MCUB: variants seen among roughly 807,000 people sequenced by gnomAD.
MCUB encodes calcium uniporter regulatory subunit MCUb, mitochondrial.
In MCUB, 46 loss-of-function variants were observed where a neutral mutation model predicts 41.4. The observed-to-expected ratio is 1.11, with a 90% CI of 0.88 to 1.42. The LOEUF is 1.42. Ranked by LOEUF, MCUB falls within the 40% of genes most tolerant of loss-of-function variation. MCUB has a pLI of 0.00. For synonymous variants in MCUB, 148 were observed against 148.2 expected, an observed-to-expected ratio of 1.00 and a Z score of 0.01; for missense variants, 403 against 404.9, an observed-to-expected ratio of 1.00 and a Z score of 0.04.
chr4:109,632,846 C>T (rs186437917), intron 1 of MCUB, among the ~76,000 whole-genome samples: 94 of 152,188 alleles, frequency 6.2e-4, no homozygotes, highest in Admixed American at 1.6e-3. Flanking sequence ...AACTCCTGAC[C>T]TCCAGTGATC....
rs552790823 is a variant in MCUB, at chr4:109,580,356, G to A, written c.99+19920G>A. On this transcript the variant is annotated intron_variant, in intron 1 of 7. Coordinates refer to ENST00000394650, the MANE Select transcript of MCUB (RefSeq NM_017918.5). ...AATAAACATACGTGTGCATGTGTCT[G>A]TATAGTAGCATGATTTGTAATCCTT... Among the ~76,000 whole-genome samples, 137 of 152,080 alleles carry A rather than the reference G, an allele frequency of 9.0e-4. 2 individuals carry two copies. The South Asian group carries it at 0.028, about 31-fold the overall frequency.
chr4:109,659,254 C>T (rs1729173353), intron 2 of MCUB, among the ~76,000 whole-genome samples, 168 bp downstream of exon 2: 1 of 115,552 alleles, frequency 8.7e-6, no homozygotes, highest in Non-Finnish European at 1.7e-5. Flanking sequence ...AATATAGCTG[C>T]TGTCTTTTGT....
At chr4:109,618,442 T>C (rs898337536) in intron 1 of MCUB, among the ~76,000 whole-genome samples, 1 of 152,186 alleles carries the variant, frequency 6.6e-6, no homozygotes, top group Non-Finnish European at 1.5e-5. Context: ...ATGCCTCCCA[T>C]TCTCTTTCTC....
At chr4:109,665,373 A>G (rs954221021) in intron 4 of MCUB, among the ~76,000 whole-genome samples, 2 of 152,180 alleles carry the variant, frequency 1.3e-5, no homozygotes, top group Non-Finnish European at 2.9e-5. Flanking sequence ...ACTCTTGCTT[A>G]TATCAATTAG....
chr4:109,658,975 T>C, intron 1 of MCUB, 36 bp from the exon 2 acceptor site: 1 of 1,187,460 alleles, frequency 8.4e-7, no homozygotes, highest in Non-Finnish European at 1.2e-6. Flanking sequence ...TCCCACTCTT[T>C]TTTTAAAAAA....
intron 1 of MCUB, among the ~76,000 whole-genome samples, chr4:109,608,183 C>T (rs1344763097): frequency 6.6e-6 from 1 of 152,116 alleles, no homozygotes; most frequent in African/African-American, 2.4e-5. Context: ...GATTCTGATG[C>T]ATTCTTCAGT....
chr4:109,606,638 G>A (rs1727877288), intron 1 of MCUB, among the ~76,000 whole-genome samples: 1 of 152,116 alleles, frequency 6.6e-6, no homozygotes, highest in Non-Finnish European at 1.5e-5. Context: ...AAACTAACAA[G>A]TATAAAGAAG....
chr4:109,612,791 C>G (rs996715611), intron 1 of MCUB, among the ~76,000 whole-genome samples: 5 of 152,128 alleles, frequency 3.3e-5, no homozygotes, highest in African/African-American at 1.2e-4. Context: ...ACATAAATTT[C>G]CTTCCTGAAA....
chr4:109,624,294 C>G (rs1728316007), intron 1 of MCUB, among the ~76,000 whole-genome samples: 1 of 152,190 alleles, frequency 6.6e-6, no homozygotes, highest in African/African-American at 2.4e-5. Flanking sequence ...TAGCTGCATT[C>G]AAAGCACACT....
In MCUB at chr4:109,607,568, G is replaced by A. The variant is rs536007950; in HGVS notation, c.99+47132G>A. 5.3e-5 allele frequency among the ~76,000 whole-genome samples: 8 copies of A among 152,312 alleles called. No individual in the cohort carries two copies. In the East Asian group the frequency reaches 1.4e-3, roughly 26 times the overall value. On this transcript the variant is annotated intron_variant, in intron 1 of 7. Coordinates refer to ENST00000394650, the MANE Select transcript of MCUB (RefSeq NM_017918.5). ...CTCTTTAGCATTTCTTGTAGAACAGGTCTGGTGTTGATGAAATCCTTCAAC... is the reference window on the plus strand; with the variant it reads ...CTCTTTAGCATTTCTTGTAGAACAGATCTGGTGTTGATGAAATCCTTCAAC...
intron 1 of MCUB, 65 bp from the exon 2 acceptor site, chr4:109,658,946 A>T: frequency 7.9e-6 from 7 of 890,898 alleles, no homozygotes; most frequent in Non-Finnish European, 1.3e-5. Flanking sequence ...TGGTAAAATA[A>T]AGACACTTAT....
chr4:109,622,848 T>A (rs1728279826), intron 1 of MCUB, among the ~76,000 whole-genome samples: 1 of 152,186 alleles, frequency 6.6e-6, no homozygotes, highest in Admixed American at 6.5e-5. Flanking sequence ...CAATACTCTG[T>A]CTCGATGTGG....
intron 3 of MCUB, among the ~76,000 whole-genome samples, chr4:109,662,116 G>A (rs1729244101): frequency 6.6e-6 from 1 of 152,208 alleles, no homozygotes; most frequent in Admixed American, 6.5e-5. Context: ...GGCAGATCAG[G>A]AAAGGCTTAT....
intron 1 of MCUB, among the ~76,000 whole-genome samples, chr4:109,616,865 C>T (rs770823257): frequency 1.2e-4 from 18 of 151,916 alleles, no homozygotes; most frequent in Non-Finnish European, 1.8e-4. Flanking sequence ...ATTAAAATTG[C>T]GAATTATATA....
At chr4:109,633,978 A>G (rs901174632) in intron 1 of MCUB, among the ~76,000 whole-genome samples, 4 of 148,202 alleles carry the variant, frequency 2.7e-5, no homozygotes, top group Non-Finnish European at 5.9e-5. Flanking sequence ...CTGTACTTTC[A>G]TTGTATTATT....
At chr4:109,582,182 G>T (rs1198922944) in intron 1 of MCUB, among the ~76,000 whole-genome samples, 1 of 151,882 alleles carries the variant, frequency 6.6e-6, no homozygotes, top group Non-Finnish European at 1.5e-5. Flanking sequence ...ATACACCATG[G>T]AATACTATGC....
intron 4 of MCUB, among the ~76,000 whole-genome samples, chr4:109,669,798 T>G (rs992849605): frequency 1.3e-5 from 2 of 152,174 alleles, no homozygotes; most frequent in African/African-American, 4.8e-5. Context: ...CTATGTTTCA[T>G]CTACTAACAA....
chr4:109,686,656 T>G (rs1729844700), intron 7 of MCUB, among the ~76,000 whole-genome samples: 1 of 152,048 alleles, frequency 6.6e-6, no homozygotes. Flanking sequence ...TGGGAGGATC[T>G]CGAGTCCAGA....
At chr4:109,616,322 C>A (rs576344501) in intron 1 of MCUB, among the ~76,000 whole-genome samples, 2 of 152,176 alleles carry the variant, frequency 1.3e-5, no homozygotes, top group Non-Finnish European at 2.9e-5. Context: ...ACTTTTATGC[C>A]TTTATTATGT....
Sources: gnomAD v4.1 joint callset for allele counts (sites outside exome capture counted in the v4.1 genomes callset) on GRCh38, gnomAD v4.1.1 for gene constraint, MANE v1.5 for transcripts, NCBI Gene and HGNC (gene_info 2026-07-23, HGNC 2026-07-21) for gene names.